The following ITFG1 variants were observed in gnomAD, a reference collection of about 807,000 sequenced individuals.
ITFG1 encodes the protein T-cell immunomodulatory protein.
Under a neutral mutation model 81.8 loss-of-function variants are expected in ITFG1, and 34 were observed. That is an observed-to-expected ratio of 0.42 (90% CI 0.32 to 0.55). The LOEUF is 0.55. ITFG1 is among the 20% of genes least tolerant of loss of function. The pLI, the probability that ITFG1 is intolerant of heterozygous loss-of-function variation, is 0.17. For missense variants in ITFG1, 672 were observed against 755.4 expected, an observed-to-expected ratio of 0.89 and a Z score of 1.29; for synonymous variants, 285 against 270.6, an observed-to-expected ratio of 1.05 and a Z score of -0.52.
intron 14 of ITFG1, among the ~76,000 whole-genome samples, chr16:47,216,294 A>G (rs1159561643): frequency 2.6e-5 from 4 of 152,098 alleles, no homozygotes; most frequent in South Asian, 2.1e-4. Context: ...TCCAGGTTCA[A>G]TGAGTCTCCT....
At chr16:47,221,353 T>C (rs1965689107) in intron 13 of ITFG1, among the ~76,000 whole-genome samples, 1 of 152,230 alleles carries the variant, frequency 6.6e-6, no homozygotes, top group Admixed American at 6.5e-5. Context: ...ATGTGGTTTT[T>C]GTCTTTGGTT....
chr16:47,191,083 A>G (rs1965286701), intron 14 of ITFG1, among the ~76,000 whole-genome samples: 1 of 152,166 alleles, frequency 6.6e-6, no homozygotes, highest in African/African-American at 2.4e-5. Flanking sequence ...TGGGGCTAAT[A>G]ATGGTATGAA....
intron 13 of ITFG1, among the ~76,000 whole-genome samples, chr16:47,229,878 T>C (rs1965796857): frequency 6.6e-6 from 1 of 152,234 alleles, no homozygotes; most frequent in Admixed American, 6.5e-5. Context: ...TTTCATGTCC[T>C]GTGGTTTCAG....
In ITFG1 at chr16:47,155,535, A is replaced by C. The variant is rs952656829; in HGVS notation, c.*184T>G. On this transcript the variant is annotated 3_prime_UTR_variant, in exon 18 of 18. Coordinates refer to ENST00000320640, the MANE Select transcript of ITFG1 (RefSeq NM_030790.5). ...TAGAGAACCCAAATTTTTATATACAAAGTGCTTTAAAAAAAAAGACCTTGT... is the reference window on the plus strand; with the variant it reads ...TAGAGAACCCAAATTTTTATATACACAGTGCTTTAAAAAAAAAGACCTTGT... The C allele has an allele frequency of 8.6e-6, 4 of 466,412 alleles. No individual in the cohort carries two copies. Among genetic ancestry groups the C allele is most frequent in the Non-Finnish European group, 1.5e-5 (4 of 267,102 alleles). The allele number at this position is 466,412 out of a possible 1,614,324, so 28.9% of individuals were successfully genotyped here.
intron 10 of ITFG1, among the ~76,000 whole-genome samples, chr16:47,292,205 G>A (rs1055313815): frequency 6.6e-6 from 1 of 151,950 alleles, no homozygotes; most frequent in East Asian, 1.9e-4. Flanking sequence ...GTAGAGATCG[G>A]GTTTCACCAT....
intron 10 of ITFG1, among the ~76,000 whole-genome samples, chr16:47,265,017 C>G (rs1348089485): frequency 6.6e-6 from 1 of 152,062 alleles, no homozygotes; most frequent in African/African-American, 2.4e-5. Flanking sequence ...TACCTTCAAA[C>G]AGCTGTTCTA....
At chr16:47,368,499 T>C (rs1321014224) in intron 7 of ITFG1, among the ~76,000 whole-genome samples, 2 of 123,478 alleles carry the variant, frequency 1.6e-5, no homozygotes, top group African/African-American at 3.3e-5. Context: ...AGCAAGCAAG[T>C]GAGCCAAGAC....
intron 12 of ITFG1, among the ~76,000 whole-genome samples, chr16:47,241,261 A>G (rs992031187): frequency 3.9e-5 from 6 of 152,202 alleles, no homozygotes; most frequent in African/African-American, 1.4e-4. Flanking sequence ...GCTGAACATA[A>G]AGTTCTCCTT....
intron 12 of ITFG1, among the ~76,000 whole-genome samples, chr16:47,255,286 G>C (rs1031933253): frequency 6.6e-6 from 1 of 152,180 alleles, no homozygotes; most frequent in Non-Finnish European, 1.5e-5. Context: ...AAAATAATGA[G>C]AGGAAAAACT....
intron 14 of ITFG1, among the ~76,000 whole-genome samples, chr16:47,164,126 C>T (rs116027675): frequency 0.03 from 4,550 of 150,048 alleles, 226 homozygotes; most frequent in African/African-American, 0.1. Flanking sequence ...ACTCTGGTAT[C>T]GCTTAACCCC....
chr16:47,287,107 A>G (rs1966872524), intron 10 of ITFG1, among the ~76,000 whole-genome samples: 1 of 152,206 alleles, frequency 6.6e-6, no homozygotes, highest in Non-Finnish European at 1.5e-5. Context: ...GAGCTAATGC[A>G]AGGACACTTG....
chr16:47,357,726 T>A (rs554128906), intron 8 of ITFG1, among the ~76,000 whole-genome samples: 1 of 152,166 alleles, frequency 6.6e-6, no homozygotes, highest in Non-Finnish European at 1.5e-5. Flanking sequence ...GGCATGAATT[T>A]ATTATATGCA....
intron 6 of ITFG1, among the ~76,000 whole-genome samples, chr16:47,422,095 T>C (rs568373426): frequency 6.6e-6 from 1 of 152,366 alleles, no homozygotes; most frequent in African/African-American, 2.4e-5. Context: ...ACATCTGGGT[T>C]GGTTCCAAGT....
intron 6 of ITFG1, among the ~76,000 whole-genome samples, chr16:47,423,302 T>A (rs1335290317): frequency 6.7e-6 from 1 of 148,426 alleles, no homozygotes; most frequent in Admixed American, 6.7e-5. Flanking sequence ...TTTTCCTCCA[T>A]CCCTTTATTT....
At chr16:47,282,306 T>C (rs1399415630) in intron 10 of ITFG1, among the ~76,000 whole-genome samples, 1 of 152,118 alleles carries the variant, frequency 6.6e-6, no homozygotes, top group African/African-American at 2.4e-5. Flanking sequence ...TGTCCATGTG[T>C]ACATATTATT....
chr16:47,407,177 G>A (rs1968740040), intron 6 of ITFG1, among the ~76,000 whole-genome samples: 1 of 152,156 alleles, frequency 6.6e-6, no homozygotes, highest in Non-Finnish European at 1.5e-5. Flanking sequence ...GTGGAAGCAA[G>A]GAAACCAGTA....
chr16:47,162,042 G>C (rs1267221922), intron 15 of ITFG1, among the ~76,000 whole-genome samples: 1 of 152,054 alleles, frequency 6.6e-6, no homozygotes, highest in Non-Finnish European at 1.5e-5. Flanking sequence ...TTATATTTGT[G>C]TTTTATGAAT....
chr16:47,362,205 C>T (rs1328643286), intron 8 of ITFG1, among the ~76,000 whole-genome samples: 1 of 152,174 alleles, frequency 6.6e-6, no homozygotes, highest in Non-Finnish European at 1.5e-5. Context: ...GCTCTCACCA[C>T]CTCATGCCCT....
At chr16:47,260,031 C>T (rs949366468) in intron 11 of ITFG1, among the ~76,000 whole-genome samples, 2 of 151,758 alleles carry the variant, frequency 1.3e-5, no homozygotes, top group Non-Finnish European at 2.9e-5. Flanking sequence ...CTCTGCCTCC[C>T]GGGTTCACGC....
Sources: allele counts gnomAD v4.1 joint callset (sites outside exome capture counted in the v4.1 genomes callset), GRCh38; gene constraint gnomAD v4.1.1; transcripts MANE v1.5; gene names NCBI Gene and HGNC (gene_info 2026-07-23, HGNC 2026-07-21).